LPAR6: variants seen among roughly 807,000 people sequenced by gnomAD.
The protein encoded by LPAR6 is lysophosphatidic acid receptor 6.
A neutral mutation model predicts 22.0 loss-of-function variants in LPAR6; 17 were observed. The observed-to-expected ratio is 0.77, with a 90% CI of 0.53 to 1.16. LPAR6 has a LOEUF of 1.16. Ranked by LOEUF, LPAR6 falls within the 50% of genes most tolerant of loss-of-function variation. LPAR6 has a pLI of 0.00. For missense variants in LPAR6, 384 were observed against 406.9 expected (o/e 0.94, Z 0.48); for synonymous variants, 136 against 139.8 (o/e 0.97, Z 0.19).
intron 1 of LPAR6, among the ~76,000 whole-genome samples, chr13:48,395,399 G>A (rs901244167): frequency 3.3e-5 from 5 of 152,078 alleles, no homozygotes; most frequent in African/African-American, 1.2e-4. Context: ...GACAGAAGTA[G>A]GCTTCAGAAG....
rs4151551 is a variant in LPAR6, at chr13:48,411,303, G to T, written c.*86C>A. On this transcript the variant is annotated 3_prime_UTR_variant, in exon 1 of 1. Transcript: ENST00000620633. ...GTCCATGTGTTAATTTCTTTTGGAG[G>T]TGGAAAAATAGTTTGTCCAAAAAGA... is the stretch of plus-strand genomic sequence containing the variant. 79,278 of 1,087,814 alleles carry T rather than the reference G, an allele frequency of 0.073. 3,440 individuals are homozygous for T. The highest frequency in any genetic ancestry group is 0.092 in the Non-Finnish European group (65,892 of 713,902). The allele number at this position is 1,087,814 out of a possible 1,614,324, so 67.4% of individuals were successfully genotyped here. A position where few individuals can be genotyped will look rare whatever the true frequency, so the allele number is the denominator to read the frequency against.
intron 1 of LPAR6, among the ~76,000 whole-genome samples, chr13:48,434,353 G>A (rs749232090): frequency 4.6e-5 from 7 of 151,698 alleles, no homozygotes; most frequent in African/African-American, 1.5e-4. Context: ...TAATAAAAAC[G>A]GAGAAAAAAA....
chr13:48,421,601 T>A (rs1949005644), intron 2 of LPAR6, among the ~76,000 whole-genome samples: 1 of 151,968 alleles, frequency 6.6e-6, no homozygotes, highest in Non-Finnish European at 1.5e-5. Flanking sequence ...TGGGAGAAAA[T>A]TTTTGCGATC....
chr13:48,402,379 C>T (rs1203080309), intron 1 of LPAR6, among the ~76,000 whole-genome samples: 1 of 125,718 alleles, frequency 8.0e-6, no homozygotes, highest in African/African-American at 2.8e-5. Flanking sequence ...TGTAGAAAAC[C>T]TTTTTTTTTT....
chr13:48,416,728 G>C (rs1948917803), upstream of LPAR6, among the ~76,000 whole-genome samples: 1 of 152,196 alleles, frequency 6.6e-6, no homozygotes, highest in African/African-American at 2.4e-5. Context: ...AAGTCGACCT[G>C]GGATGCTGGA....
rs17071686 is a variant in LPAR6 at position 48,411,503 on chromosome 13, C to A, written c.921G>T (p.Trp307Cys). 0.012 allele frequency: 19,321 copies of A among 1,612,538 alleles called. 117 individuals are homozygous for A. The highest frequency in any genetic ancestry group is 0.014 in the Non-Finnish European group (16,481 of 1,179,154). The change falls in exon 1 of 1, where the codon TGG becomes TGT. Residue 307 changes from tryptophan to cysteine, a missense_variant. Coordinates refer to ENST00000620633, the MANE Select transcript of LPAR6 (RefSeq NM_001162498.3). Reference sequence around the variant, plus strand: ...ATCTGAAGTCACTTCTCCTGACAGACCAGTTTTTCATTTTTATTGAATTCT... The same window carrying A: ...ATCTGAAGTCACTTCTCCTGACAGAACAGTTTTTCATTTTTATTGAATTCT... Reference protein sequence around the residue: ...TIQNSIKMKNWSVRRSDFRFS... With the variant: ...TIQNSIKMKNCSVRRSDFRFS...
chr13:48,399,244 GT>G (rs1948671893), intron 1 of LPAR6, among the ~76,000 whole-genome samples: 1 of 151,926 alleles, frequency 6.6e-6, no homozygotes, highest in Non-Finnish European at 1.5e-5. Flanking sequence ...CTCTTTCTCT[GT>G]TTTTAGTAAA....
chr13:48,402,237 T>G (rs1323082187), intron 1 of LPAR6, among the ~76,000 whole-genome samples: 1 of 152,200 alleles, frequency 6.6e-6, no homozygotes, highest in East Asian at 1.9e-4. Context: ...GTGTACACTT[T>G]TAGATTGGCA....
intron 1 of LPAR6, among the ~76,000 whole-genome samples, chr13:48,398,379 A>G (rs1340070253): frequency 2.0e-5 from 3 of 152,088 alleles, no homozygotes; most frequent in Non-Finnish European, 2.9e-5. Context: ...ATTATTCAAA[A>G]CTGAAATTAT....
At chr13:48,439,586 T>C (rs1949216451) in intron 1 of LPAR6, 1 of 152,176 alleles carries the variant, frequency 6.6e-6, no homozygotes, top group Non-Finnish European at 1.5e-5. Flanking sequence ...TAATGAAATG[T>C]TCAGAATATT....
intron 1 of LPAR6, chr13:48,424,222 G>A (rs1421898412): frequency 6.6e-6 from 1 of 152,180 alleles, no homozygotes; most frequent in Admixed American, 6.5e-5. Flanking sequence ...ATATCTTTTA[G>A]CCTAAGGAGA....
At chr13:48,444,268 G>C (rs1949265972) in intron 1 of LPAR6, among the ~76,000 whole-genome samples, 1 of 152,184 alleles carries the variant, frequency 6.6e-6, no homozygotes. Flanking sequence ...TGTAATCCCA[G>C]CACTTTGGGA....
chr13:48,409,149 T>C (rs192470014), downstream of LPAR6, among the ~76,000 whole-genome samples: 285 of 148,944 alleles, frequency 1.9e-3, no homozygotes, highest in Admixed American at 4.6e-3. Context: ...TTTTCTTTTC[T>C]CTTTTTTTTT....
chr13:48,438,921 C>A (rs1451481470), intron 1 of LPAR6, among the ~76,000 whole-genome samples: 1 of 151,236 alleles, frequency 6.6e-6, no homozygotes, highest in African/African-American at 2.5e-5. Flanking sequence ...GTGGGTACTA[C>A]TATGAATGTG....
chr13:48,412,364 A>C lies in LPAR6; in HGVS notation c.60T>G (p.Tyr20Ter). 6.2e-7 allele frequency: 1 copy of C among 1,614,018 alleles called. No individual in the cohort carries two copies. Among genetic ancestry groups the C allele is most frequent in the Non-Finnish European group, 8.5e-7 (1 of 1,179,882 alleles). Residue 20 changes from tyrosine to a stop codon, truncating the protein, a stop_gained, in exon 1 of 1, where the codon TAT becomes TAG. Coordinates refer to ENST00000620633, the MANE Select transcript of LPAR6 (RefSeq NM_001162498.3). LOFTEE classifies it high-confidence loss of function. ...FYNDSFKYTL[Y>*]GCMFSMVFVL... The stretch of plus-strand genomic sequence containing the variant: ...CAAACACCATGCTGAACATGCACCC[A>C]TACAAAGTGTACTTAAAGGAGTCAT...
At chr13:48,416,901 A>C (rs897583277), upstream of LPAR6, among the ~76,000 whole-genome samples, 2 of 152,164 alleles carry the variant, frequency 1.3e-5, no homozygotes, top group African/African-American at 4.8e-5. Flanking sequence ...CTCTGAAAAA[A>C]AGGCAGCAGC....
intron 1 of LPAR6, among the ~76,000 whole-genome samples, chr13:48,441,419 A>G (rs1016062181): frequency 6.6e-6 from 1 of 152,240 alleles, no homozygotes; most frequent in Non-Finnish European, 1.5e-5. Flanking sequence ...TTCCAAACAT[A>G]TAGAAGTAGT....
chr13:48,414,776 A>C (rs571603087), upstream of LPAR6, among the ~76,000 whole-genome samples: 1 of 152,354 alleles, frequency 6.6e-6, no homozygotes, highest in South Asian at 2.1e-4. Context: ...ATCTATTATC[A>C]AATGACAAAA....
intron 1 of LPAR6, among the ~76,000 whole-genome samples, chr13:48,399,022 A>G (rs1948669993): frequency 6.6e-6 from 1 of 152,100 alleles, no homozygotes; most frequent in South Asian, 2.1e-4. Context: ...ACTATATTAT[A>G]AAAGTAAATG....
Sources: gnomAD v4.1 joint callset for allele counts (sites outside exome capture counted in the v4.1 genomes callset) on GRCh38, gnomAD v4.1.1 for gene constraint, MANE v1.5 for transcripts, NCBI Gene and HGNC (gene_info 2026-07-23, HGNC 2026-07-21) for gene names.